TTC12: variants seen among roughly 807,000 people sequenced by gnomAD.
The protein encoded by TTC12 is tetratricopeptide repeat protein 12.
Under a neutral mutation model 90.1 loss-of-function variants are expected in TTC12, and 70 were observed. The ratio of observed to expected loss-of-function variants is 0.78; its 90% CI spans 0.64 to 0.95. The LOEUF is 0.95. TTC12 is among the 40% of genes least tolerant of loss of function. TTC12 has a pLI of 0.00. For synonymous variants in TTC12, 296 were observed against 311.5 expected, an observed-to-expected ratio of 0.95 and a Z score of 0.53; for missense variants, 819 against 846.1, an observed-to-expected ratio of 0.97 and a Z score of 0.40.
chr11:113,346,480 C>T (rs1034351141), intron 13 of TTC12, among the ~76,000 whole-genome samples: 4 of 152,160 alleles, frequency 2.6e-5, no homozygotes, highest in Non-Finnish European at 5.9e-5. Context: ...GTCCAAGTCT[C>T]TGCCCTTCTC....
intron 4 of TTC12, 95 bp from the exon 5 acceptor site, chr11:113,324,510 G>C (rs192826607): frequency 9.7e-6 from 9 of 930,484 alleles, no homozygotes; most frequent in Non-Finnish European, 1.5e-5. Context: ...ATATGCATAC[G>C]TGTGGCTCTA....
At chr11:113,329,478 C>T (rs1947893308) in intron 6 of TTC12, among the ~76,000 whole-genome samples, 1 of 152,192 alleles carries the variant, frequency 6.6e-6, no homozygotes, top group Non-Finnish European at 1.5e-5. Flanking sequence ...CATTTGCATT[C>T]AGCCAATAAA....
chr11:113,339,421 T>G lies in TTC12; in HGVS notation c.773T>G (p.Ile258Ser). The part of the protein sequence containing the change: ...LLETLSKPDQ[I>S]PLFYAGGIEI... The stretch of plus-strand genomic sequence containing the variant: ...GAGACCCTTTCCAAGCCTGACCAGA[T>G]CCCCTTGTTCTATGCTGGGGGGATT... Residue 258 changes from isoleucine (I) to serine (S), a missense_variant, in exon 10 of 22, where the codon ATC becomes AGC. Coordinates refer to ENST00000529221, the MANE Select transcript of TTC12 (RefSeq NM_017868.4). The G allele has an allele frequency of 1.2e-6, 2 of 1,613,178 alleles. No homozygotes were observed. Among genetic ancestry groups the G allele is most frequent in the Non-Finnish European group, 1.7e-6 (2 of 1,179,772 alleles).
intron 16 of TTC12, among the ~76,000 whole-genome samples, chr11:113,355,451 CCTT>C (rs1949579095): frequency 6.6e-6 from 1 of 152,096 alleles, no homozygotes; most frequent in African/African-American, 2.4e-5. Flanking sequence ...GTCTCAGTCT[CCTT>C]CAGTTCAGCT....
Position 113,332,776 on chromosome 11 carries a change from T to C in TTC12, c.505-2190T>C, listed in dbSNP as rs543762604. Among the ~76,000 whole-genome samples the C allele has an allele frequency of 1.9e-4, 29 of 152,338 alleles. No individual in the cohort carries two copies. In the South Asian group the frequency reaches 5.2e-3, roughly 27 times the overall value. On this transcript the variant is annotated intron_variant, in intron 7 of 21. Coordinates refer to ENST00000529221, the MANE Select transcript of TTC12 (RefSeq NM_017868.4). ...TCTTGATGTCATCTGAAACTCAGTA[T>C]GTCTAGAAGCCAACTCTTCATCTTC... is the stretch of plus-strand genomic sequence containing the variant.
In TTC12 at chr11:113,351,946, C is replaced by CT. The variant is rs536147226; in HGVS notation, c.1309-123dup. 7.0e-6 allele frequency: 8 copies of CT among 1,141,732 alleles called. No individual in the cohort carries two copies. In the South Asian group the frequency reaches 1.2e-4, roughly 17 times the overall value. 70.7% of individuals were successfully genotyped at this position (1,141,732 alleles called of 1,614,324 possible). On this transcript the variant is annotated intron_variant, in intron 15 of 21. Coordinates refer to ENST00000529221, the MANE Select transcript of TTC12 (RefSeq NM_017868.4). ...TGCCAGTGAGACCCCAGGGATGCCC[C>CT]TGTGTGACATGAAGCTATCTGGTTG...
chr11:113,359,842 TGGTGCTAAAAAGGAGAC>T, intron 17 of TTC12, 81 bp from the exon 18 acceptor site: 1 of 868,480 alleles, frequency 1.2e-6, no homozygotes, highest in African/African-American at 1.7e-5. Context: ...CATAGTGTGG[TGGTGCTAAAAAGGAGAC>T]GGTGCTCAGA....
intron 13 of TTC12, among the ~76,000 whole-genome samples, chr11:113,349,550 C>G (rs1039363903): frequency 1.3e-5 from 2 of 152,152 alleles, no homozygotes; most frequent in Non-Finnish European, 2.9e-5. Flanking sequence ...AGTTATAAAC[C>G]AGGTCTCACA....
intron 13 of TTC12, 58 bp from the exon 14 acceptor site, chr11:113,350,015 G>T: frequency 7.3e-7 from 1 of 1,371,654 alleles, no homozygotes; most frequent in Non-Finnish European, 1.0e-6. Context: ...AGGTTACCCT[G>T]TTGGGATGTT....
At chr11:113,354,436 A>G (rs1949504092) in intron 16 of TTC12, among the ~76,000 whole-genome samples, 1 of 152,162 alleles carries the variant, frequency 6.6e-6, no homozygotes. Flanking sequence ...TTCTCTTCCT[A>G]TATAGATGCC....
chr11:113,371,759 C>T (rs1427954422), intron 21 of TTC12, among the ~76,000 whole-genome samples: 6 of 152,186 alleles, frequency 3.9e-5, no homozygotes, highest in Admixed American at 3.3e-4. Flanking sequence ...TTCATAACCT[C>T]GCTTTAAGTT....
intron 21 of TTC12, 82 bp from the exon 22 acceptor site, chr11:113,366,143 A>G (rs1441189292): frequency 4.1e-6 from 6 of 1,474,104 alleles, no homozygotes; most frequent in Non-Finnish European, 5.6e-6. Flanking sequence ...GCCAGCTTCC[A>G]TCTGAGAGGG....
intron 17 of TTC12, 74 bp downstream of exon 17, chr11:113,359,535 A>C (rs1949800228): frequency 5.5e-4 from 556 of 1,011,596 alleles, no homozygotes; most frequent in Non-Finnish European, 7.7e-4. Context: ...AACCATTCTC[A>C]TGTTCACGAA....
chr11:113,355,096 T>C (rs148380098), intron 16 of TTC12, among the ~76,000 whole-genome samples: 5 of 152,320 alleles, frequency 3.3e-5, no homozygotes, highest in African/African-American at 1.2e-4. Context: ...CTGGGCTTTT[T>C]TTGATTGGTA....
intron 7 of TTC12, among the ~76,000 whole-genome samples, chr11:113,334,130 C>T (rs1020944993): frequency 2.6e-5 from 4 of 152,310 alleles, no homozygotes; most frequent in East Asian, 1.9e-4. Flanking sequence ...TTTAGACTCC[C>T]GAGCTTGAAC....
intron 7 of TTC12, among the ~76,000 whole-genome samples, chr11:113,330,999 C>T (rs1948030615): frequency 6.6e-6 from 1 of 152,144 alleles, no homozygotes; most frequent in Non-Finnish European, 1.5e-5. Context: ...TCCCTAGCAG[C>T]ATACTGGCCA....
At chr11:113,337,260 CAA>C (rs1182236343) in intron 8 of TTC12, among the ~76,000 whole-genome samples, 6 of 152,158 alleles carry the variant, frequency 3.9e-5, no homozygotes, top group Non-Finnish European at 7.3e-5. Context: ...TGAAACTAGA[CAA>C]AGTCCTTGGC....
At chr11:113,355,511 G>T (rs554485280) in intron 16 of TTC12, among the ~76,000 whole-genome samples, 2 of 152,172 alleles carry the variant, frequency 1.3e-5, no homozygotes, top group Admixed American at 1.3e-4. Flanking sequence ...GGATTTGTTT[G>T]CTCTTAGTTC....
chr11:113,337,510 G>A (rs1948438805), intron 8 of TTC12, among the ~76,000 whole-genome samples: 1 of 152,162 alleles, frequency 6.6e-6, no homozygotes, highest in Admixed American at 6.5e-5. Flanking sequence ...TCCTGGTGGA[G>A]GGATAGCTAG....
Sources: allele counts gnomAD v4.1 joint callset (sites outside exome capture counted in the v4.1 genomes callset), GRCh38; gene constraint gnomAD v4.1.1; transcripts MANE v1.5; gene names NCBI Gene and HGNC (gene_info 2026-07-23, HGNC 2026-07-21).